The following CDKAL1 variants were observed in gnomAD, a reference collection of about 807,000 sequenced individuals.
CDKAL1 encodes threonylcarbamoyladenosine tRNA methylthiotransferase.
CDKAL1 carries 32 observed loss-of-function variants against 68.2 expected under a neutral mutation model. The observed-to-expected ratio is 0.47, with a 90% CI of 0.35 to 0.63. CDKAL1 has a LOEUF of 0.63. Ranked by LOEUF, CDKAL1 falls within the 30% of genes least tolerant of loss-of-function variation. The probability of loss-of-function intolerance (pLI) is 0.00; values close to 1 mark genes in which losing one functional copy is unlikely to be tolerated. For synonymous variants in CDKAL1, 234 were observed against 244.3 expected, an observed-to-expected ratio of 0.96 and a Z score of 0.39; for missense variants, 606 against 696.7, an observed-to-expected ratio of 0.87 and a Z score of 1.47.
At chr6:21,153,235 CTTTTT>C (rs1162272560) in intron 13 of CDKAL1, among the ~76,000 whole-genome samples, 2 of 96,228 alleles carry the variant, frequency 2.1e-5, no homozygotes, top group Non-Finnish European at 4.2e-5. Flanking sequence ...TATGTGATTT[CTTTTT>C]TTTTTTTTTT....
rs138016486 is a variant in CDKAL1 at position 20,604,777 on chromosome 6, A to G, written c.287-44516A>G. Among the ~76,000 whole-genome samples the G allele has an allele frequency of 2.2e-4, 34 of 152,316 alleles. No homozygotes were observed. In the East Asian group the frequency reaches 4.4e-3, roughly 20 times the overall value. On this transcript the variant is annotated intron_variant, in intron 4 of 15. Transcript: ENST00000274695. ...TCTGTTTTACAAGATGTAGTATACA[A>G]TTTGAATCTGTGACCAATACATGTG... is the stretch of plus-strand genomic sequence containing the variant.
At chr6:20,911,284 A>C (rs535146667) in intron 9 of CDKAL1, among the ~76,000 whole-genome samples, 1 of 152,358 alleles carries the variant, frequency 6.6e-6, no homozygotes, top group South Asian at 2.1e-4. Context: ...AGTAGAACCA[A>C]GAATCAAGAC....
chr6:20,657,455 G>A (rs1385852601), intron 5 of CDKAL1, among the ~76,000 whole-genome samples: 1 of 152,004 alleles, frequency 6.6e-6, no homozygotes, highest in Non-Finnish European at 1.5e-5. Context: ...ATCATCTCTC[G>A]ATCATCTGCT....
intron 13 of CDKAL1, among the ~76,000 whole-genome samples, chr6:21,129,019 T>C (rs1775153452): frequency 6.6e-6 from 1 of 152,200 alleles, no homozygotes; most frequent in Non-Finnish European, 1.5e-5. Flanking sequence ...TCTCTGAGGC[T>C]CAGCTTTTTT....
Position 20,730,940 on chromosome 6 carries a change from G to A in CDKAL1, c.372-8579G>A, listed in dbSNP as rs141859146. 8.7e-4 allele frequency among the ~76,000 whole-genome samples: 133 copies of A among 152,164 alleles called. 2 individuals are homozygous for A. In the East Asian group the frequency reaches 0.021, roughly 24 times the overall value. On this transcript the variant is annotated intron_variant, in intron 5 of 15. Coordinates refer to ENST00000274695, the MANE Select transcript of CDKAL1 (RefSeq NM_017774.3). ...AAGAGTTTTAAGCAGATGAGAGGGC[G>A]ATGTGAGCAAAGTTGAGGCAGATGA...
chr6:20,718,795 A>C (rs376543969), intron 5 of CDKAL1, among the ~76,000 whole-genome samples: 19 of 152,204 alleles, frequency 1.2e-4, no homozygotes, highest in African/African-American at 4.6e-4. Flanking sequence ...CTTTTGGGAG[A>C]GTGTTCAAAA....
At chr6:21,214,688 A>G (rs984524523) in intron 15 of CDKAL1, among the ~76,000 whole-genome samples, 3 of 151,816 alleles carry the variant, frequency 2.0e-5, no homozygotes, top group African/African-American at 7.3e-5. Context: ...TCCTATTCTT[A>G]CTCTACTCTA....
At chr6:20,974,880 GA>G (rs1765766889) in intron 10 of CDKAL1, among the ~76,000 whole-genome samples, 1 of 147,228 alleles carries the variant, frequency 6.8e-6, no homozygotes, top group Non-Finnish European at 1.5e-5. Flanking sequence ...TCAGGAGGCT[GA>G]GGTGAAAGAA....
At chr6:20,801,063 A>G (rs1776345821) in intron 8 of CDKAL1, among the ~76,000 whole-genome samples, 1 of 152,124 alleles carries the variant, frequency 6.6e-6, no homozygotes, top group Admixed American at 6.5e-5. Flanking sequence ...GACTATGGGC[A>G]TATGCCATCA....
intron 5 of CDKAL1, among the ~76,000 whole-genome samples, chr6:20,684,652 T>C (rs1770535948): frequency 6.6e-6 from 1 of 152,226 alleles, no homozygotes; most frequent in Admixed American, 6.5e-5. Flanking sequence ...GAATGAGAGT[T>C]CCTGTTGCTC....
chr6:20,632,832 G>A (rs78352368), intron 4 of CDKAL1, among the ~76,000 whole-genome samples: 2,465 of 152,154 alleles, frequency 0.016, 54 homozygotes, highest in African/African-American at 0.056. Context: ...GATGTACCAC[G>A]GGCCCATCTG....
In CDKAL1 at chr6:21,215,838, A is replaced by G. The variant is rs113158244; in HGVS notation, c.1548+14564A>G. On this transcript the variant is annotated intron_variant, in intron 15 of 15. Coordinates refer to ENST00000274695, the MANE Select transcript of CDKAL1 (RefSeq NM_017774.3). ...CAAAGGTGATCGTGTCCTAATCCCT[A>G]GAACCTGTGAATATGTTAGATTACA... Among the ~76,000 whole-genome samples, 252 of 152,290 alleles carry G rather than the reference A, an allele frequency of 1.7e-3. 5 individuals are homozygous for G. Among genetic ancestry groups the G allele is most frequent in the African/African-American group, 5.8e-3 (243 of 41,564 alleles).
At chr6:20,955,656 A>G (rs758971552) in intron 10 of CDKAL1, 71 bp downstream of exon 10, 51 of 1,295,530 alleles carry the variant, frequency 3.9e-5, no homozygotes, top group Admixed American at 1.1e-4. Context: ...CAGCCTCAGT[A>G]TCATCACATC....
intron 12 of CDKAL1, among the ~76,000 whole-genome samples, chr6:21,087,783 T>TATGC (rs1231978880): frequency 6.6e-6 from 1 of 151,696 alleles, no homozygotes; most frequent in Non-Finnish European, 1.5e-5. Flanking sequence ...AATATACAGA[T>TATGC]ATGCATGCAT....
At chr6:20,774,239 A>G (rs575419259) in intron 7 of CDKAL1, among the ~76,000 whole-genome samples, 6 of 152,226 alleles carry the variant, frequency 3.9e-5, no homozygotes, top group Non-Finnish European at 7.3e-5. Flanking sequence ...TAGGAGTCCA[A>G]GTTGCCAGAT....
chr6:21,095,587 CT>C (rs2150976648), intron 12 of CDKAL1, among the ~76,000 whole-genome samples: 1 of 151,234 alleles, frequency 6.6e-6, no homozygotes, highest in South Asian at 2.1e-4. Flanking sequence ...CCTCCTACCC[CT>C]ACACACATAC....
chr6:21,072,155 T>A (rs976640409), intron 12 of CDKAL1, among the ~76,000 whole-genome samples: 5 of 152,204 alleles, frequency 3.3e-5, no homozygotes, highest in African/African-American at 1.2e-4. Flanking sequence ...AATTTTTGTA[T>A]CTCACGCTCA....
chr6:20,986,774 G>A (rs1391317134), intron 10 of CDKAL1, among the ~76,000 whole-genome samples: 1 of 152,054 alleles, frequency 6.6e-6, no homozygotes, highest in Non-Finnish European at 1.5e-5. Flanking sequence ...AACTGATATG[G>A]CAGGTCACTA....
At chr6:20,968,166 G>GTT (rs897952341) in intron 10 of CDKAL1, among the ~76,000 whole-genome samples, 7 of 134,432 alleles carry the variant, frequency 5.2e-5, no homozygotes, top group Admixed American at 4.6e-4. Flanking sequence ...TTTTTTTTTT[G>GTT]TTTTTTTTTT....
Sources: gnomAD v4.1 joint callset for allele counts (sites outside exome capture counted in the v4.1 genomes callset) on GRCh38, gnomAD v4.1.1 for gene constraint, MANE v1.5 for transcripts, NCBI Gene and HGNC (gene_info 2026-07-23, HGNC 2026-07-21) for gene names.